KNG1: variants seen among roughly 807,000 people sequenced by gnomAD.
KNG1 encodes the protein kininogen-1.
A neutral mutation model predicts 47.8 loss-of-function variants in KNG1; 23 were observed. The observed-to-expected ratio is 0.48, with a 90% CI of 0.35 to 0.68. KNG1 has a LOEUF of 0.68. Ranked by LOEUF, KNG1 falls within the 30% of genes least tolerant of loss-of-function variation. The pLI, the probability that KNG1 is intolerant of heterozygous loss-of-function variation, is 0.01. For synonymous variants in KNG1, 277 were observed against 277.0 expected, an observed-to-expected ratio of 1.00 and a Z score of 0.00; for missense variants, 762 against 790.2, an observed-to-expected ratio of 0.96 and a Z score of 0.43.
At chr3:186,721,464 A>G (rs1720194470) in intron 2 of KNG1, 1 of 152,392 alleles carries the variant, frequency 6.6e-6, no homozygotes, top group East Asian at 1.9e-4. Flanking sequence ...TTCAACAATA[A>G]CAATTAAACA....
At chr3:186,738,422 G>C (rs549770966) in intron 7 of KNG1, 2 of 152,178 alleles carry the variant, frequency 1.3e-5, no homozygotes, top group African/African-American at 4.8e-5. Context: ...GGACAATAAG[G>C]CATATTTAAA....
intron 9 of KNG1, 123 bp downstream of exon 9, chr3:186,739,537 A>G (rs1720753988): frequency 1.4e-6 from 1 of 736,028 alleles, no homozygotes; most frequent in Non-Finnish European, 2.5e-6. Context: ...AATGGGGAGT[A>G]ACTCTCACAC....
Position 186,727,295 on chromosome 3 carries a change from A to G in KNG1, c.623A>G (p.Lys208Arg). 4 of 1,613,998 alleles carry G rather than the reference A, an allele frequency of 2.5e-6. No individual in the cohort carries two copies. Among genetic ancestry groups the G allele is most frequent in the Non-Finnish European group, 3.4e-6 (4 of 1,179,890 alleles). ...TYSIVQTNCS[K>R]ENFLFLTPDC... Reference sequence around the variant, plus strand: ...TCAATTGTGCAAACGAATTGTTCCAAAGAGAATTTTCTGTTCTTAACTCCA... The same window carrying G: ...TCAATTGTGCAAACGAATTGTTCCAGAGAGAATTTTCTGTTCTTAACTCCA... Residue 208 changes from lysine (K) to arginine (R), a missense_variant, in exon 5 of 10, where the codon AAA becomes AGA. Physicochemically the swap from Lys to Arg is conservative, Grantham distance 26 (BLOSUM62 2). Transcript: ENST00000644859.
chr3:186,719,728 CAAA>C (rs398063105), intron 1 of KNG1, among the ~76,000 whole-genome samples: 2 of 119,256 alleles, frequency 1.7e-5, no homozygotes, highest in Admixed American at 9.1e-5. Flanking sequence ...GACTCCATCT[CAAA>C]AAAAAAAAAA....
At chr3:186,723,401 C>A (rs186970209) in intron 3 of KNG1, among the ~76,000 whole-genome samples, 24 of 152,238 alleles carry the variant, frequency 1.6e-4, no homozygotes, top group African/African-American at 5.8e-4. Context: ...ATTCACCAAC[C>A]TCTTCATTTC....
At chr3:186,722,128 A>AG (rs1428040800) in intron 2 of KNG1, 58 of 222,928 alleles carry the variant, frequency 2.6e-4, no homozygotes, top group African/African-American at 1.3e-3. Context: ...AAAAAAAAAA[A>AG]AAAAAAAAAA....
chr3:186,722,117 CAA>C lies in KNG1; in HGVS notation c.307-297_307-296del, dbSNP rs56170982. ...GGGTAACAAAAGCAACACTCTGTCT[CAA>C]AAAAAAAAAAAAAAAAAAAAAATAG... On this transcript the variant is annotated intron_variant, in intron 2 of 9. Transcript: ENST00000644859. The C allele has an allele frequency of 3.3e-3, 473 of 142,908 alleles. 1 individual carries two copies. The highest frequency in any genetic ancestry group is 4.5e-3 in the South Asian group (48 of 10,732). The allele number at this position is 142,908 out of a possible 1,614,324, so 8.9% of individuals were successfully genotyped here.
intron 3 of KNG1, among the ~76,000 whole-genome samples, chr3:186,723,738 T>C (rs1329076376): frequency 6.7e-6 from 1 of 149,148 alleles, no homozygotes; most frequent in Non-Finnish European, 1.5e-5. Flanking sequence ...CACTGCAACC[T>C]CCCGGGTTCA....
intron 5 of KNG1, among the ~76,000 whole-genome samples, chr3:186,730,673 AAAAAAAAAAAAT>A (rs1720494030): frequency 4.8e-5 from 1 of 21,024 alleles, no homozygotes; most frequent in South Asian, 2.3e-3. Context: ...AAAAAAAAAA[AAAAAAAAAAAAT>A]ATATATATAT....
chr3:186,742,292 A>G lies in KNG1; in HGVS notation c.1896A>G (p.Lys632=), dbSNP rs1218613601. The G allele has an allele frequency of 1.9e-6, 3 of 1,614,182 alleles. No homozygotes were observed. The Admixed American group carries it at 5.0e-5, about 27-fold the overall frequency. ...AAATTAATCCAACCACACAAATGAA[A>G]GAATCTTATTATTTCGATCTCACTG... The part of the protein sequence containing the change: ...VSEINPTTQM[K]ESYYFDLTDG... Residue 632 remains lysine, a synonymous_variant, in exon 10 of 10, where the codon AAA becomes AAG. Coordinates refer to ENST00000644859, the MANE Select transcript of KNG1 (RefSeq NM_001102416.3).
chr3:186,739,600 A>T (rs1720755990), intron 9 of KNG1, among the ~76,000 whole-genome samples, 186 bp downstream of exon 9: 1 of 152,182 alleles, frequency 6.6e-6, no homozygotes, highest in Non-Finnish European at 1.5e-5. Flanking sequence ...AATCCTCCTG[A>T]TCACTTCTCA....
chr3:186,742,334 T>G lies in KNG1; in HGVS notation c.*3T>G, dbSNP rs370794508. ...ATCTCACTGATGGCCTTTCTTAATT[T>G]AAGTGGCTATGGGTATTTCTTTCAT... On this transcript the variant is annotated 3_prime_UTR_variant, in exon 10 of 10. Transcript: ENST00000644859. 12 of 1,613,510 alleles carry G rather than the reference T, an allele frequency of 7.4e-6. No individual in the cohort carries two copies. The Middle Eastern group carries it at 8.2e-4, about 111-fold the overall frequency.
intron 7 of KNG1, among the ~76,000 whole-genome samples, 192 bp downstream of exon 7, chr3:186,732,866 C>T (rs956437461): frequency 6.6e-6 from 1 of 152,186 alleles, no homozygotes; most frequent in Non-Finnish European, 1.5e-5. Context: ...ACAACATTCT[C>T]TCTGTTTTCT....
chr3:186,741,997 C>T lies in KNG1; in HGVS notation c.1601C>T (p.Pro534Leu). The change falls in exon 10 of 10, where the codon CCT becomes CTT. Residue 534 changes from proline to leucine, a missense_variant. Pro to Leu is a moderately conservative substitution (Grantham distance 98). Transcript: ENST00000644859. ...AGCTCTTCTGAAGACAGTACTACAC[C>T]TTCTGCACAGACACAAGAGAAGACA... is the stretch of plus-strand genomic sequence containing the variant. Reference protein sequence around the residue: ...LASSSEDSTTPSAQTQEKTEG... With the variant: ...LASSSEDSTTLSAQTQEKTEG... The T allele has an allele frequency of 1.2e-6, 2 of 1,614,200 alleles. No homozygotes were observed. The highest frequency in any genetic ancestry group is 1.7e-6 in the Non-Finnish European group (2 of 1,180,036).
Position 186,742,302 on chromosome 3 carries a change from T to A in KNG1, c.1906T>A (p.Tyr636Asn). The A allele has an allele frequency of 6.2e-7, 1 of 1,614,180 alleles. No individual in the cohort carries two copies. The highest frequency in any genetic ancestry group is 8.5e-7 in the Non-Finnish European group (1 of 1,180,026). Residue 636 changes from tyrosine (Y) to asparagine (N), a missense_variant, in exon 10 of 10, where the codon TAT becomes AAT. By Grantham distance (143) the Tyr-to-Asn change is moderately radical (BLOSUM62 -2). Transcript: ENST00000644859. ...AACCACACAAATGAAAGAATCTTAT[T>A]ATTTCGATCTCACTGATGGCCTTTC... ...NPTTQMKESY[Y>N]FDLTDGLS
chr3:186,743,933 AG>A lies in KNG1; in HGVS notation c.*1603del. The stretch of plus-strand genomic sequence containing the variant: ...TCTGCCTCTGGGTGAAATAAAGATC[AG>A]TCTTGATGTTCTAACTCTAATTCAC... On this transcript the variant is annotated 3_prime_UTR_variant, in exon 10 of 10. Coordinates refer to ENST00000644859, the MANE Select transcript of KNG1 (RefSeq NM_001102416.3). The A allele has an allele frequency of 1.4e-6, 1 of 704,936 alleles. No homozygotes were observed. Among genetic ancestry groups the A allele is most frequent in the Admixed American group, 2.0e-5 (1 of 49,250 alleles). 43.7% of individuals were successfully genotyped at this position (704,936 alleles called of 1,614,324 possible). A position where few individuals can be genotyped will look rare whatever the true frequency, so the allele number is the denominator to read the frequency against.
intron 4 of KNG1, 37 bp downstream of exon 4, chr3:186,725,297 T>C (rs570840158): frequency 6.3e-7 from 1 of 1,580,802 alleles, no homozygotes; most frequent in South Asian, 1.1e-5. Context: ...ACAGTATTAC[T>C]AAAATTTGTT....
intron 6 of KNG1, among the ~76,000 whole-genome samples, chr3:186,732,209 G>A (rs540573802): frequency 2.8e-4 from 42 of 152,248 alleles, no homozygotes; most frequent in South Asian, 6.2e-4. Context: ...ATTAAGCATT[G>A]CTTTTTACAG....
At position 186,717,573 on chromosome 3, in the gene KNG1, T is replaced by C. The variant is rs1362966257; in HGVS notation, c.31T>C (p.Ser11Pro). 6.2e-7 allele frequency: 1 copy of C among 1,612,230 alleles called. No individual in the cohort carries two copies. Among genetic ancestry groups the C allele is most frequent in the Non-Finnish European group, 8.5e-7 (1 of 1,178,964 alleles). ...ACTAATTACCATCCTTTTCCTCTGC[T>C]CCAGGCTGCTACTAAGTTTAACCCA... MKLITILFLCSRLLLSLTQES... is the reference protein window; with the variant it reads MKLITILFLCPRLLLSLTQES... The change falls in exon 1 of 10, where the codon TCC (serine) becomes CCC (proline). Residue 11 changes from serine (S) to proline (P), a missense_variant. Ser to Pro is a moderately conservative substitution (Grantham distance 74, BLOSUM62 -1). Coordinates refer to ENST00000644859, the MANE Select transcript of KNG1 (RefSeq NM_001102416.3).
Sources: gnomAD v4.1 joint callset for allele counts (sites outside exome capture counted in the v4.1 genomes callset) on GRCh38, gnomAD v4.1.1 for gene constraint, MANE v1.5 for transcripts, NCBI Gene and HGNC (gene_info 2026-07-23, HGNC 2026-07-21) for gene names.